YWHAE: variants seen among roughly 807,000 people sequenced by gnomAD.
YWHAE encodes 14-3-3 protein epsilon.
A neutral mutation model predicts 30.1 loss-of-function variants in YWHAE; 4 were observed. The ratio of observed to expected loss-of-function variants is 0.13; its 90% CI spans 0.07 to 0.30. YWHAE has a LOEUF of 0.30. Ranked by LOEUF, YWHAE falls within the 10% of genes least tolerant of loss-of-function variation. YWHAE has a pLI of 1.00. For synonymous variants in YWHAE, 118 were observed against 111.8 expected (o/e 1.06, Z -0.35); for missense variants, 121 against 315.9 (o/e 0.38, Z 4.68).
intron 1 of YWHAE, among the ~76,000 whole-genome samples, chr17:1,391,259 G>C (rs2073386211): frequency 6.6e-6 from 1 of 151,844 alleles, no homozygotes; most frequent in Non-Finnish European, 1.5e-5. Flanking sequence ...CTTTTCCTTT[G>C]ACTTATATTC....
chr17:1,357,494 C>T (rs1454427993), intron 4 of YWHAE, among the ~76,000 whole-genome samples: 3 of 150,972 alleles, frequency 2.0e-5, no homozygotes, highest in Non-Finnish European at 4.4e-5. Context: ...GCGAGAGAAT[C>T]GCCTGAACCC....
At chr17:1,387,481 T>C (rs1176888476) in intron 1 of YWHAE, among the ~76,000 whole-genome samples, 9 of 152,192 alleles carry the variant, frequency 5.9e-5, no homozygotes, top group Non-Finnish European at 1.3e-4. Flanking sequence ...AAAATTCTGT[T>C]TTGGAATACT....
chr17:1,391,215 T>A (rs1312186004), intron 1 of YWHAE, among the ~76,000 whole-genome samples: 2 of 152,206 alleles, frequency 1.3e-5, no homozygotes, highest in African/African-American at 2.4e-5. Flanking sequence ...CGTTCCCATT[T>A]GTGGGGGAGG....
At chr17:1,383,202 TAGAC>T (rs1351209465) in intron 1 of YWHAE, among the ~76,000 whole-genome samples, 7 of 151,092 alleles carry the variant, frequency 4.6e-5, no homozygotes, top group African/African-American at 1.5e-4. Context: ...AATACAAAAT[TAGAC>T]AGGCATGGTG....
chr17:1,373,934 C>A (rs1157650627), intron 1 of YWHAE, among the ~76,000 whole-genome samples: 1 of 152,140 alleles, frequency 6.6e-6, no homozygotes, highest in East Asian at 1.9e-4. Context: ...CTGTGACTGG[C>A]TTCTTTCCCA....
At chr17:1,363,054 C>A (rs1441960068) in intron 2 of YWHAE, among the ~76,000 whole-genome samples, 1 of 152,118 alleles carries the variant, frequency 6.6e-6, no homozygotes, top group Non-Finnish European at 1.5e-5. Flanking sequence ...GAGATCACAC[C>A]AAGGTATGGT....
chr17:1,397,113 G>C (rs541972898), intron 1 of YWHAE, among the ~76,000 whole-genome samples: 41 of 151,952 alleles, frequency 2.7e-4, no homozygotes, highest in African/African-American at 9.9e-4. Flanking sequence ...TGGCCAGGCT[G>C]GTCTTGAACT....
In YWHAE at chr17:1,354,401, G is replaced by A. The variant is rs575266664; in HGVS notation, c.579-54C>T. The A allele has an allele frequency of 3.9e-5, 61 of 1,556,024 alleles. No individual in the cohort carries two copies. The South Asian group carries it at 6.4e-4, about 16-fold the overall frequency. On this transcript the variant is annotated intron_variant, in intron 4 of 5. Transcript: ENST00000264335. ...AAAATTAAGTCCAAAATCAGAATTA[G>A]AAATGACATGCTAGACAGCAATCTT...
intron 1 of YWHAE, among the ~76,000 whole-genome samples, chr17:1,365,957 C>T (rs752920678): frequency 1.5e-5 from 2 of 137,546 alleles, no homozygotes; most frequent in Non-Finnish European, 3.1e-5. Context: ...GTGGCTCATG[C>T]CTGTAAATCC....
chr17:1,370,364 C>T (rs1024782048), intron 1 of YWHAE, among the ~76,000 whole-genome samples: 1 of 151,924 alleles, frequency 6.6e-6, no homozygotes, highest in African/African-American at 2.4e-5. Flanking sequence ...ATCTCCTGAC[C>T]TTGTGATCCG....
chr17:1,385,927 A>C (rs1406061593), intron 1 of YWHAE, among the ~76,000 whole-genome samples: 4 of 152,152 alleles, frequency 2.6e-5, no homozygotes, highest in African/African-American at 9.7e-5. Context: ...AAAGGGGGAA[A>C]AAAAGAAAAG....
intron 1 of YWHAE, among the ~76,000 whole-genome samples, chr17:1,394,814 A>C (rs1422510787): frequency 6.6e-6 from 1 of 151,258 alleles, no homozygotes; most frequent in Non-Finnish European, 1.5e-5. Flanking sequence ...TAAAAATACA[A>C]AAATTAGCCA....
intron 1 of YWHAE, among the ~76,000 whole-genome samples, chr17:1,385,758 TTC>T (rs1407883518): frequency 1.3e-5 from 2 of 152,142 alleles, no homozygotes; most frequent in East Asian, 1.9e-4. Flanking sequence ...CTACATTCCA[TTC>T]TGTCTTCTTC....
intron 1 of YWHAE, among the ~76,000 whole-genome samples, chr17:1,371,167 C>T (rs1410137548): frequency 6.6e-6 from 1 of 152,086 alleles, no homozygotes; most frequent in East Asian, 1.9e-4. Flanking sequence ...ACTACAGCCT[C>T]AACCTCCCCA....
At chr17:1,394,840 G>A (rs1013701068) in intron 1 of YWHAE, among the ~76,000 whole-genome samples, 4 of 149,304 alleles carry the variant, frequency 2.7e-5, no homozygotes, top group Admixed American at 6.7e-5. Flanking sequence ...GATGGCGGGC[G>A]CCTGTAGTCC....
Position 1,376,650 on chromosome 17 carries a change from A to G in YWHAE, c.65-11592T>C, listed in dbSNP as rs182277656. 7.0e-3 allele frequency among the ~76,000 whole-genome samples: 1,067 copies of G among 152,136 alleles called. 16 individuals are homozygous for G. Among genetic ancestry groups the G allele is most frequent in the African/African-American group, 0.025 (1,030 of 41,490 alleles). ...TATCTTTACATCAACATCCCAGTAA[A>G]CCTGATTTTCCCAAGACTGTCCTTG... On this transcript the variant is annotated intron_variant, in intron 1 of 5. Coordinates refer to ENST00000264335, the MANE Select transcript of YWHAE (RefSeq NM_006761.5).
chr17:1,358,413 G>T (rs889612618), intron 4 of YWHAE, among the ~76,000 whole-genome samples: 1 of 151,458 alleles, frequency 6.6e-6, no homozygotes, highest in Non-Finnish European at 1.5e-5. Context: ...CTGATTTTTT[G>T]TATTTTTAGT....
At chr17:1,363,919 G>A (rs1238826415) in intron 2 of YWHAE, among the ~76,000 whole-genome samples, 2 of 152,162 alleles carry the variant, frequency 1.3e-5, no homozygotes, top group East Asian at 3.9e-4. Flanking sequence ...CCCGTGCTGT[G>A]CCCAGTAGAA....
intron 4 of YWHAE, among the ~76,000 whole-genome samples, chr17:1,356,196 AC>A (rs1293035753): frequency 2.1e-4 from 31 of 149,436 alleles, no homozygotes; most frequent in African/African-American, 7.1e-4. Context: ...ACACACACAC[AC>A]ACACACACAC....
Sources: gnomAD v4.1 joint callset for allele counts (sites outside exome capture counted in the v4.1 genomes callset) on GRCh38, gnomAD v4.1.1 for gene constraint, MANE v1.5 for transcripts, NCBI Gene and HGNC (gene_info 2026-07-23, HGNC 2026-07-21) for gene names.